The following UBE2G1 variants were observed in gnomAD, a reference collection of about 807,000 sequenced individuals.
UBE2G1 encodes the protein ubiquitin conjugating enzyme E2 G1.
Under a neutral mutation model 22.7 loss-of-function variants are expected in UBE2G1, and 5 were observed. The ratio of observed to expected loss-of-function variants is 0.22; its 90% CI spans 0.12 to 0.46. The LOEUF (loss-of-function observed/expected upper bound fraction) is 0.46. Ranked by LOEUF, UBE2G1 falls within the 20% of genes least tolerant of loss-of-function variation. The pLI, the probability that UBE2G1 is intolerant of heterozygous loss-of-function variation, is 0.99. For missense variants in UBE2G1, 88 were observed against 203.9 expected (o/e 0.43, Z 3.46); for synonymous variants, 74 against 67.5 (o/e 1.10, Z -0.47).
intron 1 of UBE2G1, among the ~76,000 whole-genome samples, chr17:4,342,164 T>C (rs1378592379): frequency 1.3e-5 from 2 of 152,220 alleles, no homozygotes; most frequent in Non-Finnish European, 2.9e-5. Flanking sequence ...CAGTGTCTAA[T>C]AGACAAATCA....
At position 4,366,519 on chromosome 17, in the gene UBE2G1, C is replaced by CA. The variant is rs1970038011; in HGVS notation, c.-204dup. 3 of 451,730 alleles carry CA rather than the reference C, an allele frequency of 6.6e-6. No individual in the cohort carries two copies. 28.0% of individuals were successfully genotyped at this position (451,730 alleles called of 1,614,324 possible). On this transcript the variant is annotated 5_prime_UTR_variant, in exon 1 of 6. Coordinates refer to ENST00000396981, the MANE Select transcript of UBE2G1 (RefSeq NM_003342.5). ...CGCTTCAGCTCTTTTCACAGCGACTCACGCCCGGAAGGGGAGGGTGCCCGG... is the reference window on the plus strand; with the variant it reads ...CGCTTCAGCTCTTTTCACAGCGACTCAACGCCCGGAAGGGGAGGGTGCCCGG...
intron 1 of UBE2G1, 49 bp downstream of exon 1, chr17:4,366,222 C>A: frequency 6.7e-7 from 1 of 1,502,108 alleles, no homozygotes; most frequent in Admixed American, 2.2e-5. Context: ...TGGGCTGCGG[C>A]TGTCCGCGAT....
intron 1 of UBE2G1, among the ~76,000 whole-genome samples, chr17:4,357,742 T>C (rs978797003): frequency 1.3e-5 from 2 of 151,826 alleles, no homozygotes; most frequent in African/African-American, 4.8e-5. Flanking sequence ...AAGGACAATC[T>C]AGCCAAGATC....
chr17:4,340,573 G>T (rs915892819), intron 1 of UBE2G1, among the ~76,000 whole-genome samples: 1 of 151,978 alleles, frequency 6.6e-6, no homozygotes, highest in South Asian at 2.1e-4. Flanking sequence ...GCTTTTCCCC[G>T]CTTCGCACTG....
At chr17:4,287,673 G>T (rs1968982009) in intron 4 of UBE2G1, among the ~76,000 whole-genome samples, 1 of 152,030 alleles carries the variant, frequency 6.6e-6, no homozygotes, top group African/African-American at 2.4e-5. Context: ...CACCCAAGTT[G>T]TTATTAACCT....
intron 3 of UBE2G1, among the ~76,000 whole-genome samples, chr17:4,294,354 T>A (rs1017279378): frequency 5.4e-5 from 8 of 146,852 alleles, no homozygotes; most frequent in African/African-American, 2.1e-4. Flanking sequence ...AGGCAGAGGT[T>A]GCAGTGAGCC....
At chr17:4,273,785 G>A (rs1968788397) in intron 5 of UBE2G1, among the ~76,000 whole-genome samples, 1 of 152,174 alleles carries the variant, frequency 6.6e-6, no homozygotes, top group Non-Finnish European at 1.5e-5. Context: ...TTTAGGTCAA[G>A]TGTTCCAAAG....
intron 1 of UBE2G1, among the ~76,000 whole-genome samples, chr17:4,312,695 C>CAAAAAAAA (rs58462791): frequency 9.1e-5 from 7 of 76,882 alleles, no homozygotes; most frequent in African/African-American, 1.5e-4. Context: ...GACTCCATCT[C>CAAAAAAAA]AAAAAAAAAA....
intron 1 of UBE2G1, among the ~76,000 whole-genome samples, chr17:4,342,833 A>C (rs1015998824): frequency 3.3e-5 from 5 of 152,018 alleles, no homozygotes; most frequent in Admixed American, 3.3e-4. Flanking sequence ...TAAAAGCCTA[A>C]ATCCTTACCT....
chr17:4,355,604 T>A (rs1317258178), intron 1 of UBE2G1, among the ~76,000 whole-genome samples: 1 of 134,854 alleles, frequency 7.4e-6, no homozygotes, highest in African/African-American at 2.8e-5. Flanking sequence ...ATCGTGCCAC[T>A]ACACTCCAGC....
intron 1 of UBE2G1, among the ~76,000 whole-genome samples, chr17:4,354,019 C>T (rs1367721722): frequency 3.3e-5 from 5 of 152,020 alleles, no homozygotes; most frequent in African/African-American, 1.2e-4. Flanking sequence ...CAAACGTCAA[C>T]CTTTCCAGAT....
At chr17:4,335,462 A>G (rs1969635059) in intron 1 of UBE2G1, 1 of 152,192 alleles carries the variant, frequency 6.6e-6, no homozygotes, top group African/African-American at 2.4e-5. Flanking sequence ...ACCAGCCAAA[A>G]CATCACGTTG....
chr17:4,299,342 TGAGC>T (rs1969146973), intron 2 of UBE2G1, among the ~76,000 whole-genome samples: 1 of 152,078 alleles, frequency 6.6e-6, no homozygotes, highest in Non-Finnish European at 1.5e-5. Context: ...GAGGGTGCAG[TGAGC>T]CAAGATTGTG....
At chr17:4,356,190 T>A (rs1402351426) in intron 1 of UBE2G1, among the ~76,000 whole-genome samples, 2 of 149,762 alleles carry the variant, frequency 1.3e-5, no homozygotes, top group Non-Finnish European at 3.0e-5. Flanking sequence ...ACCCCGTCTC[T>A]ACTAAAAAAT....
At chr17:4,352,188 G>A (rs1431049142) in intron 1 of UBE2G1, among the ~76,000 whole-genome samples, 3 of 152,142 alleles carry the variant, frequency 2.0e-5, no homozygotes, top group Admixed American at 1.3e-4. Context: ...AGGGATCATC[G>A]TATCAACATT....
intron 1 of UBE2G1, among the ~76,000 whole-genome samples, chr17:4,353,812 AT>A (rs11437680): frequency 5.0e-3 from 528 of 104,818 alleles, no homozygotes; most frequent in African/African-American, 0.016. Context: ...GCCCGGTCAA[AT>A]TTTTTTTTTT....
intron 2 of UBE2G1, chr17:4,302,548 G>T: frequency 2.6e-6 from 1 of 385,904 alleles, no homozygotes. Flanking sequence ...TGGACACTGG[G>T]GGATATTTGT....
intron 1 of UBE2G1, among the ~76,000 whole-genome samples, chr17:4,307,551 C>T (rs781590856): frequency 6.6e-5 from 10 of 152,184 alleles, no homozygotes; most frequent in Admixed American, 2.0e-4. Context: ...GAATGTACTG[C>T]GCTTAATAAC....
chr17:4,277,637 T>C (rs1330314472), intron 5 of UBE2G1, among the ~76,000 whole-genome samples: 3 of 152,226 alleles, frequency 2.0e-5, no homozygotes, highest in East Asian at 1.9e-4. Flanking sequence ...TGAGAAAATA[T>C]GTGTGGGTCA....
Sources: allele counts gnomAD v4.1 joint callset (sites outside exome capture counted in the v4.1 genomes callset), GRCh38; gene constraint gnomAD v4.1.1; transcripts MANE v1.5; gene names NCBI Gene and HGNC (gene_info 2026-07-23, HGNC 2026-07-21).